Variants in HERC5 observed in about 807,000 individuals in gnomAD.
HERC5 encodes the protein HECT and RLD domain containing E3 ubiquitin protein ligase 5, also known as E3 ISG15--protein ligase HERC5.
In HERC5, 99 loss-of-function variants were observed where a neutral mutation model predicts 119.6. The ratio of observed to expected loss-of-function variants is 0.83; its 90% CI spans 0.70 to 0.98. The LOEUF is 0.98. Ranked by LOEUF, HERC5 falls within the 50% of genes least tolerant of loss-of-function variation. The probability of loss-of-function intolerance (pLI) is 0.00; values close to 1 mark genes in which losing one functional copy is unlikely to be tolerated. For synonymous variants in HERC5, 478 were observed against 445.9 expected (o/e 1.07, Z -0.91); for missense variants, 1,267 against 1,241.3 (o/e 1.02, Z -0.31).
chr4:88,486,971 C>T, intron 14 of HERC5, 98 bp from the exon 15 acceptor site: 2 of 715,306 alleles, frequency 2.8e-6, no homozygotes, highest in Non-Finnish European at 4.6e-6. Flanking sequence ...GTTGGAAGTA[C>T]TGAGACCTTA....
At chr4:88,461,001 A>C (rs530071659) in intron 3 of HERC5, among the ~76,000 whole-genome samples, 1 of 152,298 alleles carries the variant, frequency 6.6e-6, no homozygotes, top group African/African-American at 2.4e-5. Context: ...AAAAAAAAGA[A>C]ACTTACTGTG....
At chr4:88,467,355 GAGTC>G (rs1211316772) in intron 7 of HERC5, 151 bp downstream of exon 7, 8 of 723,126 alleles carry the variant, frequency 1.1e-5, no homozygotes, top group Non-Finnish European at 1.8e-5. Flanking sequence ...AACAATTCAA[GAGTC>G]AGTCTAATTT....
At chr4:88,463,417 G>A in intron 4 of HERC5, 115 bp from the exon 5 acceptor site, 2 of 672,772 alleles carry the variant, frequency 3.0e-6, no homozygotes, top group South Asian at 1.8e-5. Context: ...AGCCTTTCTT[G>A]TCAGAATATC....
intron 16 of HERC5, among the ~76,000 whole-genome samples, chr4:88,490,408 C>CT (rs1741596597): frequency 6.6e-6 from 1 of 152,182 alleles, no homozygotes; most frequent in Non-Finnish European, 1.5e-5. Context: ...AAGCACTAGA[C>CT]TTTCTGCTTA....
Position 88,457,540 on chromosome 4 carries a change from T to C in HERC5, c.265+6T>C. On this transcript the variant is annotated splice_donor_region_variant and intron_variant, in intron 1 of 22. Coordinates refer to ENST00000264350, the MANE Select transcript of HERC5 (RefSeq NM_016323.4). ...CGGCGGCGCCCGGACGCCGAGTGAGTGGGGCTGGTGTGTGAGGGCTGTGAG... is the reference window on the plus strand; with the variant it reads ...CGGCGGCGCCCGGACGCCGAGTGAGCGGGGCTGGTGTGTGAGGGCTGTGAG... 7.9e-7 allele frequency: 1 copy of C among 1,261,054 alleles called. No individual in the cohort carries two copies. The highest frequency in any genetic ancestry group is 1.0e-6 in the Non-Finnish European group (1 of 1,003,012). 78.1% of individuals were successfully genotyped at this position (1,261,054 alleles called of 1,614,324 possible). A position where few individuals can be genotyped will look rare whatever the true frequency, so the allele number is the denominator to read the frequency against.
In HERC5 at chr4:88,500,993, CA is replaced by C; in HGVS notation, c.2582+14del. ...TGTCAACCAGACTAACAAGTAGGTA[CA>C]AAAAATGAAATAGTTGGTTTGTATA... On this transcript the variant is annotated intron_variant, in intron 20 of 22. Transcript: ENST00000264350. 2 of 1,590,356 alleles carry C rather than the reference CA, an allele frequency of 1.3e-6. No individual in the cohort carries two copies. Among genetic ancestry groups the C allele is most frequent in the Non-Finnish European group, 1.7e-6 (2 of 1,164,582 alleles).
At position 88,505,910 on chromosome 4, in the gene HERC5, T is replaced by C. The variant is rs771086529; in HGVS notation, c.*32T>C. 17 of 1,526,116 alleles carry C rather than the reference T, an allele frequency of 1.1e-5. No homozygotes were observed. The highest frequency in any genetic ancestry group is 1.5e-5 in the Non-Finnish European group (17 of 1,114,690). The allele number at this position is 1,526,116 out of a possible 1,614,324, so 94.5% of individuals were successfully genotyped here. ...TGCTTGTCCAACAGCCTTATTTTGT[T>C]GTTGTTATCGTTGTTGTTGTTGTTG... On this transcript the variant is annotated 3_prime_UTR_variant, in exon 23 of 23. Transcript: ENST00000264350.
chr4:88,501,089 A>G (rs955126433), intron 20 of HERC5, 104 bp downstream of exon 20: 14 of 709,920 alleles, frequency 2.0e-5, no homozygotes, highest in South Asian at 1.9e-4. Flanking sequence ...CTCATTAATC[A>G]TTTTTCACTA....
intron 15 of HERC5, among the ~76,000 whole-genome samples, chr4:88,488,795 A>C (rs1156759023): frequency 2.6e-5 from 4 of 152,022 alleles, no homozygotes. Context: ...ATGAGAGAGC[A>C]TCATGTTGCA....
At chr4:88,469,414 C>G (rs992803150) in intron 9 of HERC5, among the ~76,000 whole-genome samples, 154 bp downstream of exon 9, 2 of 152,186 alleles carry the variant, frequency 1.3e-5, no homozygotes, top group Admixed American at 1.3e-4. Flanking sequence ...ATCTTTATCT[C>G]TATCATGTCT....
chr4:88,480,836 T>C (rs1203195679), intron 13 of HERC5, among the ~76,000 whole-genome samples: 1 of 152,256 alleles, frequency 6.6e-6, no homozygotes, highest in Non-Finnish European at 1.5e-5. Flanking sequence ...TCCTTGACTT[T>C]TGTTCATTTA....
In HERC5 at chr4:88,479,277, T is replaced by A. The variant is rs796635515; in HGVS notation, c.1583-76T>A. 1.3e-5 allele frequency: 16 copies of A among 1,226,244 alleles called. No individual in the cohort carries two copies. The African/African-American group carries it at 1.9e-4, about 14-fold the overall frequency. The allele number at this position is 1,226,244 out of a possible 1,614,324, so 76.0% of individuals were successfully genotyped here. Reference sequence around the variant, plus strand: ...TCCAGGCTGGGCAACAGGGTGAGACTCTGTCTCAAAAAAAAAAAAAAAAAA... The same window carrying A: ...TCCAGGCTGGGCAACAGGGTGAGACACTGTCTCAAAAAAAAAAAAAAAAAA... On this transcript the variant is annotated intron_variant, in intron 12 of 22. Coordinates refer to ENST00000264350, the MANE Select transcript of HERC5 (RefSeq NM_016323.4).
At chr4:88,477,731 C>T (rs1471971187) in intron 12 of HERC5, among the ~76,000 whole-genome samples, 2 of 152,114 alleles carry the variant, frequency 1.3e-5, no homozygotes, top group East Asian at 3.9e-4. Flanking sequence ...CAAGTAAGTT[C>T]TAGGGGCATG....
In HERC5 at chr4:88,457,348, A is replaced by T; in HGVS notation, c.79A>T (p.Lys27Ter). 1 of 1,420,256 alleles carries T rather than the reference A, an allele frequency of 7.0e-7. No individual in the cohort carries two copies. The highest frequency in any genetic ancestry group is 3.0e-5 in the East Asian group (1 of 32,882). 88.0% of individuals were successfully genotyped at this position (1,420,256 alleles called of 1,614,324 possible). ...CAAGGCCGCCGCGACCCAGCCCGCG[A>T]AGTCTCCGGGCGCACAGCTCTGGCT... ...AGKAAATQPA[K>*]SPGAQLWLFP... The change falls in exon 1 of 23, where the codon AAG becomes TAG. Residue 27 changes from lysine (K) to a stop codon, truncating the protein, a stop_gained. Transcript: ENST00000264350. LOFTEE classifies it high-confidence loss of function.
intron 4 of HERC5, 127 bp downstream of exon 4, chr4:88,462,483 C>T: frequency 1.3e-6 from 1 of 766,848 alleles, no homozygotes; most frequent in Non-Finnish European, 2.2e-6. Flanking sequence ...GATTACCTCT[C>T]TGTCTTCAGG....
At position 88,486,238 on chromosome 4, in the gene HERC5, G is replaced by A. The variant is rs746445067; in HGVS notation, c.1851+10G>A. The stretch of plus-strand genomic sequence containing the variant: ...GTGGAAAATGACTGTGGTAGGTATA[G>A]CATGTTTAAAGGGGGAAATTGATAA... On this transcript the variant is annotated intron_variant, in intron 14 of 22. Transcript: ENST00000264350. 2.6e-6 allele frequency: 4 copies of A among 1,513,168 alleles called. No homozygotes were observed. The highest frequency in any genetic ancestry group is 3.5e-5 in the Admixed American group (2 of 56,952). The allele number at this position is 1,513,168 out of a possible 1,614,324, so 93.7% of individuals were successfully genotyped here. A position where few individuals can be genotyped will look rare whatever the true frequency, so the allele number is the denominator to read the frequency against.
rs1041045691 is a variant in HERC5, at chr4:88,490,426, C to T, written c.2133+1090C>T. 3.9e-5 allele frequency among the ~76,000 whole-genome samples: 6 copies of T among 152,226 alleles called. No individual in the cohort carries two copies. The East Asian group carries it at 5.8e-4, about 15-fold the overall frequency. On this transcript the variant is annotated intron_variant, in intron 16 of 22. Transcript: ENST00000264350. ...CACTAGACTTTCTGCTTAATGAAGA[C>T]GGATAAAGATTGGCCTGATAATATT...
At chr4:88,505,511 A>G (rs556000459) in intron 22 of HERC5, among the ~76,000 whole-genome samples, 162 bp from the exon 23 acceptor site, 20 of 152,326 alleles carry the variant, frequency 1.3e-4, no homozygotes, top group Non-Finnish European at 2.2e-4. Flanking sequence ...GACAGTGACT[A>G]TGTGTCAGAC....
intron 12 of HERC5, among the ~76,000 whole-genome samples, chr4:88,478,317 A>C (rs1741155129): frequency 6.6e-6 from 1 of 152,214 alleles, no homozygotes; most frequent in Non-Finnish European, 1.5e-5. Context: ...TGTATCAAAA[A>C]ATTTTGGCTA....
Sources: allele counts gnomAD v4.1 joint callset (sites outside exome capture counted in the v4.1 genomes callset), GRCh38; gene constraint gnomAD v4.1.1; transcripts MANE v1.5; gene names NCBI Gene and HGNC (gene_info 2026-07-23, HGNC 2026-07-21).